ANKRD36: variants seen among roughly 807,000 people sequenced by gnomAD.
The protein encoded by ANKRD36 is ankyrin repeat domain-containing protein 36A.
ANKRD36 carries 179 observed loss-of-function variants against 278.1 expected under a neutral mutation model. The ratio of observed to expected loss-of-function variants is 0.64; its 90% CI spans 0.57 to 0.73. ANKRD36 has a LOEUF of 0.73. Among genes scored for constraint, ANKRD36 ranks in the 30% least tolerant of loss-of-function variants. ANKRD36 has a pLI of 0.00. For synonymous variants in ANKRD36, 320 were observed against 641.1 expected, an observed-to-expected ratio of 0.50 and a Z score of 7.57; for missense variants, 1,159 against 1,956.7, an observed-to-expected ratio of 0.59 and a Z score of 7.69.
rs982581826 is a variant in ANKRD36 at position 97,179,071 on chromosome 2, A to G, written c.1634-667A>G. Among the ~76,000 whole-genome samples, 5 of 151,612 alleles carry G rather than the reference A, an allele frequency of 3.3e-5. No individual in the cohort carries two copies. In the Admixed American group the frequency reaches 3.3e-4, roughly 10 times the overall value. ...CTTTTTGATGAAGTTTATATATTAT[A>G]CCTTGTTGCAATGAGTGGATGAAGG... is the stretch of plus-strand genomic sequence containing the variant. On this transcript the variant is annotated intron_variant, in intron 22 of 75. Transcript: ENST00000420699.
At chr2:97,165,517 A>G (rs1414754793) in intron 20 of ANKRD36, among the ~76,000 whole-genome samples, 3 of 151,412 alleles carry the variant, frequency 2.0e-5, no homozygotes, top group African/African-American at 7.3e-5. Context: ...ATACACTGCC[A>G]TAGCTGAAAA....
At chr2:97,242,044 C>CCG (rs1337370449) in intron 69 of ANKRD36, among the ~76,000 whole-genome samples, 1 of 136,748 alleles carries the variant, frequency 7.3e-6, no homozygotes, top group Non-Finnish European at 1.5e-5. Flanking sequence ...GTAATCCCAG[C>CCG]ACTTTGGTAG....
At chr2:97,116,750 G>GT (rs1232152629) in intron 1 of ANKRD36, among the ~76,000 whole-genome samples, 3 of 151,920 alleles carry the variant, frequency 2.0e-5, no homozygotes, top group Non-Finnish European at 4.4e-5. Context: ...AATTATTTTA[G>GT]TTTATCAGTG....
At chr2:97,117,790 A>G (rs1315083900) in intron 1 of ANKRD36, among the ~76,000 whole-genome samples, 6 of 151,920 alleles carry the variant, frequency 3.9e-5, no homozygotes, top group Non-Finnish European at 8.8e-5. Flanking sequence ...TCTCTTATAT[A>G]TTTTATTGAT....
At chr2:97,231,595 G>A (rs2072120669) in intron 67 of ANKRD36, among the ~76,000 whole-genome samples, 1 of 152,114 alleles carries the variant, frequency 6.6e-6, no homozygotes, top group Admixed American at 6.5e-5. Context: ...CCTGAGTGAG[G>A]CAATGCCTCA....
chr2:97,131,939 C>A (rs1183942923), intron 6 of ANKRD36, among the ~76,000 whole-genome samples: 1 of 151,744 alleles, frequency 6.6e-6, no homozygotes, highest in African/African-American at 2.4e-5. Flanking sequence ...AGCGCTTCTC[C>A]TGCTTCAGCC....
chr2:97,230,561 T>C (rs1254520036), intron 67 of ANKRD36, among the ~76,000 whole-genome samples: 4 of 152,068 alleles, frequency 2.6e-5, no homozygotes, highest in Non-Finnish European at 5.9e-5. Flanking sequence ...TCAAAGTTTT[T>C]AACTTCTTTG....
chr2:97,222,890 A>T (rs375353892), intron 66 of ANKRD36, among the ~76,000 whole-genome samples: 2 of 152,070 alleles, frequency 1.3e-5, no homozygotes, highest in African/African-American at 2.4e-5. Flanking sequence ...TCACAGTTCC[A>T]TGAAAGTGCC....
At position 97,215,913 on chromosome 2, in the gene ANKRD36, C is replaced by T. The variant is rs1576165952; in HGVS notation, c.3673+416C>T. On this transcript the variant is annotated intron_variant, in intron 62 of 75. Transcript: ENST00000420699. ...CCTCAAAAACAGCATAGAATGAGAA[C>T]GAACAAGATCACTGAAGTAGTAATT... The T allele has an allele frequency of 1.6e-5, 7 of 425,996 alleles. No homozygotes were observed. In the South Asian group the frequency reaches 2.4e-4, roughly 14 times the overall value. 26.4% of individuals were successfully genotyped at this position (425,996 alleles called of 1,614,324 possible).
chr2:97,222,632 C>A (rs1261134789), intron 66 of ANKRD36, among the ~76,000 whole-genome samples: 1 of 152,132 alleles, frequency 6.6e-6, no homozygotes, highest in Non-Finnish European at 1.5e-5. Flanking sequence ...CAGTTTGAAA[C>A]ATAACAGTGT....
At chr2:97,181,833 G>T in intron 26 of ANKRD36, 40 bp downstream of exon 26, 3 of 1,477,938 alleles carry the variant, frequency 2.0e-6, no homozygotes, top group Non-Finnish European at 2.8e-6. Flanking sequence ...GTTCAGTCAA[G>T]ATAGAAAAGT....
intron 6 of ANKRD36, among the ~76,000 whole-genome samples, chr2:97,139,364 A>C (rs1206594971): frequency 2.6e-5 from 4 of 152,070 alleles, no homozygotes; most frequent in African/African-American, 7.2e-5. Context: ...ATATGTGCAT[A>C]TTCCTAGATA....
chr2:97,207,650 G>T (rs141526810), intron 52 of ANKRD36, among the ~76,000 whole-genome samples, 161 bp from the exon 53 acceptor site: 1 of 151,448 alleles, frequency 6.6e-6, no homozygotes, highest in Non-Finnish European at 1.5e-5. Flanking sequence ...TTTTCTCAGC[G>T]TATTTCTGTC....
At chr2:97,215,556 C>G in intron 62 of ANKRD36, 59 bp downstream of exon 62, 1 of 1,598,168 alleles carries the variant, frequency 6.3e-7, no homozygotes, top group Non-Finnish European at 8.5e-7. Context: ...AATTCACTTC[C>G]CTAAATAAAT....
At position 97,202,381 on chromosome 2, in the gene ANKRD36, A is replaced by G. The variant is rs113875982; in HGVS notation, c.2947A>G (p.Lys983Glu). 42 of 1,552,390 alleles carry G rather than the reference A, an allele frequency of 2.7e-5. No homozygotes were observed. The highest frequency in any genetic ancestry group is 3.6e-5 in the Non-Finnish European group (42 of 1,151,028). ...GIARENKDGE[K>E]SRTVSSEKPP... ...AGCCAGAGAAAACAAGGATGGAGAA[A>G]AATCTAGGACAGGTAATTTTGAAAA... The change falls in exon 48 of 76, where the codon AAA (lysine) becomes GAA (glutamate). Residue 983 changes from lysine to glutamate, a missense_variant. By Grantham distance (56) the Lys-to-Glu change is moderately conservative. Transcript: ENST00000420699.
chr2:97,156,097 A>G (rs2047355868), intron 15 of ANKRD36, among the ~76,000 whole-genome samples: 1 of 146,886 alleles, frequency 6.8e-6, no homozygotes, highest in African/African-American at 2.4e-5. Flanking sequence ...AGGCGGATAC[A>G]GCGTGTTTTC....
At chr2:97,220,729 C>CCT (rs1363816560) in intron 66 of ANKRD36, among the ~76,000 whole-genome samples, 2 of 66,526 alleles carry the variant, frequency 3.0e-5, no homozygotes, top group African/African-American at 1.3e-4. Flanking sequence ...GATTTTCTTG[C>CCT]TTTTTTTTTT....
chr2:97,223,098 CT>C lies in ANKRD36; in HGVS notation c.3878-1688del, dbSNP rs58708702. 9.3e-3 allele frequency among the ~76,000 whole-genome samples: 1,156 copies of C among 123,764 alleles called. 5 individuals are homozygous for C. The highest frequency in any genetic ancestry group is 0.042 in the East Asian group (161 of 3,816). The allele number at this position is 123,764 out of a possible 152,430, so 81.2% of individuals were successfully genotyped here. On this transcript the variant is annotated intron_variant, in intron 66 of 75. Coordinates refer to ENST00000420699, the MANE Select transcript of ANKRD36 (RefSeq NM_001354587.1). ...TTACATATTGAAAGCTTATTATACA[CT>C]TTTTTTTTTTTTTTTTTTTGAGACA...
Position 97,152,022 on chromosome 2 carries a change from C to A in ANKRD36, c.1162+83C>A, listed in dbSNP as rs1023507109. On this transcript the variant is annotated intron_variant, in intron 13 of 75. Coordinates refer to ENST00000420699, the MANE Select transcript of ANKRD36 (RefSeq NM_001354587.1). ...TTTTTCTTTGTGAAACACAGTCTTACTAGTCTGCAGCACAGGCTGGAGTGC... is the reference window on the plus strand; with the variant it reads ...TTTTTCTTTGTGAAACACAGTCTTAATAGTCTGCAGCACAGGCTGGAGTGC... The A allele has an allele frequency of 5.8e-5, 65 of 1,129,198 alleles. 1 individual carries two copies. The Middle Eastern group carries it at 1.2e-3, about 20-fold the overall frequency. The allele number at this position is 1,129,198 out of a possible 1,614,324, so 69.9% of individuals were successfully genotyped here.
Sources: allele counts gnomAD v4.1 joint callset (sites outside exome capture counted in the v4.1 genomes callset), GRCh38; gene constraint gnomAD v4.1.1; transcripts MANE v1.5; gene names NCBI Gene and HGNC (gene_info 2026-07-23, HGNC 2026-07-21).